The following LDLRAD3 variants were observed in gnomAD, a reference collection of about 807,000 sequenced individuals.
LDLRAD3 encodes low density lipoprotein receptor class A domain containing 3, also known as low-density lipoprotein receptor class A domain-containing protein 3.
Under a neutral mutation model 29.4 loss-of-function variants are expected in LDLRAD3, and 20 were observed. The ratio of observed to expected loss-of-function variants is 0.68; its 90% confidence interval spans 0.48 to 0.99. The LOEUF is 0.99. Ranked by LOEUF, LDLRAD3 falls within the 50% of genes least tolerant of loss-of-function variation. LDLRAD3 has a pLI of 0.00. For missense variants in LDLRAD3, 420 were observed against 454.3 expected (o/e 0.92, Z 0.69); for synonymous variants, 157 against 192.7 (o/e 0.81, Z 1.53).
intron 2 of LDLRAD3, among the ~76,000 whole-genome samples, chr11:36,054,967 A>G (rs2133227309): frequency 3.3e-5 from 3 of 91,708 alleles, no homozygotes; most frequent in African/African-American, 5.0e-5. Flanking sequence ...GGATGGATGG[A>G]TGCATGGATG....
At chr11:35,979,496 T>G (rs1851514223) in intron 1 of LDLRAD3, among the ~76,000 whole-genome samples, 1 of 152,178 alleles carries the variant, frequency 6.6e-6, no homozygotes. Flanking sequence ...TGTAGTATGA[T>G]AGAGTTTTCC....
chr11:36,206,852 G>C (rs1198509707), intron 4 of LDLRAD3, among the ~76,000 whole-genome samples: 1 of 150,998 alleles, frequency 6.6e-6, no homozygotes. Flanking sequence ...TCAGCCTCAC[G>C]AGTAGCTGGA....
chr11:36,020,143 T>C (rs1216252841), intron 1 of LDLRAD3, among the ~76,000 whole-genome samples: 1 of 152,182 alleles, frequency 6.6e-6, no homozygotes, highest in African/African-American at 2.4e-5. Context: ...TGGACTACAT[T>C]TGAATTTTTA....
intron 4 of LDLRAD3, among the ~76,000 whole-genome samples, chr11:36,111,730 G>A (rs1003708022): frequency 3.3e-5 from 5 of 152,066 alleles, no homozygotes; most frequent in Non-Finnish European, 7.3e-5. Flanking sequence ...CTCCCGAGTA[G>A]CGGGGATTAC....
At chr11:35,956,935 C>A (rs1458302862) in intron 1 of LDLRAD3, among the ~76,000 whole-genome samples, 1 of 152,168 alleles carries the variant, frequency 6.6e-6, no homozygotes, top group African/African-American at 2.4e-5. Context: ...TGGGGTTTCA[C>A]CACGTTAGCC....
At chr11:35,962,344 A>G (rs943267206) in intron 1 of LDLRAD3, among the ~76,000 whole-genome samples, 4 of 151,862 alleles carry the variant, frequency 2.6e-5, no homozygotes, top group African/African-American at 7.3e-5. Flanking sequence ...TTCCAGGTAT[A>G]TTTTAGTTTT....
At chr11:36,064,255 C>G (rs1360339881) in intron 2 of LDLRAD3, among the ~76,000 whole-genome samples, 1 of 152,092 alleles carries the variant, frequency 6.6e-6, no homozygotes, top group African/African-American at 2.4e-5. Context: ...GGTGTATCCA[C>G]CTTGTCTCCT....
intron 4 of LDLRAD3, among the ~76,000 whole-genome samples, chr11:36,170,807 T>C (rs937411272): frequency 2.0e-5 from 3 of 150,598 alleles, no homozygotes; most frequent in Admixed American, 2.0e-4. Flanking sequence ...ATATCTTCTT[T>C]TTTTTTTTTT....
intron 4 of LDLRAD3, among the ~76,000 whole-genome samples, chr11:36,151,577 CATGGCACTCCGCTCCCTCCTTAATAG>C (rs934377318): frequency 2.0e-5 from 3 of 152,120 alleles, no homozygotes; most frequent in Non-Finnish European, 2.9e-5. Context: ...ATGGTCTTTC[CATGGCACTCCGCTCCCTCCTTAATAG>C]ATGCTAAGTT....
At chr11:36,118,753 TAGAC>T (rs928108356) in intron 4 of LDLRAD3, among the ~76,000 whole-genome samples, 3 of 152,196 alleles carry the variant, frequency 2.0e-5, no homozygotes, top group African/African-American at 4.8e-5. Context: ...TTCACATAGT[TAGAC>T]AGCCATCCCC....
rs1855568495 is a variant in LDLRAD3 at position 36,231,024 on chromosome 11, G to C, written c.*1627G>C. 6.6e-6 allele frequency: 1 copy of C among 152,532 alleles called. No individual in the cohort carries two copies. Among genetic ancestry groups the C allele is most frequent in the African/African-American group, 2.4e-5 (1 of 41,406 alleles). The allele number at this position is 152,532 out of a possible 1,614,324, so 9.4% of individuals were successfully genotyped here. A position where few individuals can be genotyped will look rare whatever the true frequency, so the allele number is the denominator to read the frequency against. On this transcript the variant is annotated 3_prime_UTR_variant, in exon 6 of 6. Transcript: ENST00000315571. Reference sequence around the variant, plus strand: ...TGCAGGAATAAGGGGTAAAACGTTAGGTGTTGTTTGGCAAGAAACCACACT... The same window carrying C: ...TGCAGGAATAAGGGGTAAAACGTTACGTGTTGTTTGGCAAGAAACCACACT...
intron 2 of LDLRAD3, among the ~76,000 whole-genome samples, chr11:36,054,864 G>A (rs1211965367): frequency 6.9e-6 from 1 of 145,030 alleles, no homozygotes; most frequent in East Asian, 2.0e-4. Flanking sequence ...TGGATGGATG[G>A]ATGAATGGAT....
chr11:35,948,121 C>T (rs1229839636), intron 1 of LDLRAD3, among the ~76,000 whole-genome samples: 1 of 152,046 alleles, frequency 6.6e-6, no homozygotes, highest in Non-Finnish European at 1.5e-5. Context: ...ATTGTAGTTA[C>T]ATGGGGGTTC....
Position 36,054,969 on chromosome 11 carries a change from G to A in LDLRAD3, c.193+18720G>A, listed in dbSNP as rs866779715. ...ATGATGGATACACGGATGGATGGAT[G>A]CATGGATGGATGGATGGATGGATGG... is the stretch of plus-strand genomic sequence containing the variant. On this transcript the variant is annotated intron_variant, in intron 2 of 5. Transcript: ENST00000315571. 3.5e-3 allele frequency among the ~76,000 whole-genome samples: 310 copies of A among 89,674 alleles called. 3 individuals are homozygous for A. Among genetic ancestry groups the A allele is most frequent in the African/African-American group, 0.016 (303 of 18,726 alleles). The allele number at this position is 89,674 out of a possible 152,430, so 58.8% of individuals were successfully genotyped here. A position where few individuals can be genotyped will look rare whatever the true frequency, so the allele number is the denominator to read the frequency against.
At chr11:36,176,653 A>C (rs1185270413) in intron 4 of LDLRAD3, among the ~76,000 whole-genome samples, 1 of 152,094 alleles carries the variant, frequency 6.6e-6, no homozygotes, top group African/African-American at 2.4e-5. Context: ...ACTCCCTTCT[A>C]GCCTGCAGGG....
chr11:36,223,049 A>G (rs1433677576), intron 4 of LDLRAD3, among the ~76,000 whole-genome samples: 2 of 152,330 alleles, frequency 1.3e-5, no homozygotes, highest in African/African-American at 2.4e-5. Flanking sequence ...CTTAGGTCCT[A>G]GGCAACTCTG....
At chr11:35,990,480 TG>T (rs1851674220) in intron 1 of LDLRAD3, among the ~76,000 whole-genome samples, 1 of 151,898 alleles carries the variant, frequency 6.6e-6, no homozygotes, top group African/African-American at 2.4e-5. Context: ...TTCAGTGGCG[TG>T]ATCTCAGCTA....
intron 1 of LDLRAD3, among the ~76,000 whole-genome samples, chr11:36,021,029 G>A (rs1212297081): frequency 1.3e-5 from 2 of 152,148 alleles, no homozygotes; most frequent in African/African-American, 2.4e-5. Context: ...GAGAGGGATG[G>A]TTGGTGGTTC....
At chr11:35,986,303 C>G (rs1344165354) in intron 1 of LDLRAD3, among the ~76,000 whole-genome samples, 2 of 152,114 alleles carry the variant, frequency 1.3e-5, no homozygotes, top group Non-Finnish European at 2.9e-5. Context: ...ATTTTTGTGT[C>G]TCTTTGATAT....
Sources: allele counts gnomAD v4.1 joint callset (sites outside exome capture counted in the v4.1 genomes callset), GRCh38; gene constraint gnomAD v4.1.1; transcripts MANE v1.5; gene names NCBI Gene and HGNC (gene_info 2026-07-23, HGNC 2026-07-21).